Variants in ANKS1B observed in about 807,000 individuals in gnomAD.
ANKS1B encodes the protein ankyrin repeat and sterile alpha motif domain containing 1B, also known as ankyrin repeat and sterile alpha motif domain-containing protein 1B.
A neutral mutation model predicts 148.3 loss-of-function variants in ANKS1B; 36 were observed. The ratio of observed to expected loss-of-function variants is 0.24; its 90% CI spans 0.19 to 0.32. ANKS1B has a LOEUF of 0.32. ANKS1B is among the 10% of genes least tolerant of loss of function. The pLI is 1.00. For missense variants in ANKS1B, 1,157 were observed against 1,542.6 expected (o/e 0.75, Z 4.19); for synonymous variants, 542 against 560.8 (o/e 0.97, Z 0.47).
At chr12:99,959,691 T>C (rs1412709461) in intron 1 of ANKS1B, among the ~76,000 whole-genome samples, 2 of 152,180 alleles carry the variant, frequency 1.3e-5, no homozygotes, top group Non-Finnish European at 1.5e-5. Flanking sequence ...TAACGCTTGC[T>C]TCATCTTCTG....
chr12:99,611,982 A>T (rs2153346634), intron 9 of ANKS1B, among the ~76,000 whole-genome samples: 1 of 152,170 alleles, frequency 6.6e-6, no homozygotes. Context: ...ATCTAAACCA[A>T]TGTATTCAGT....
chr12:99,154,258 G>C (rs763877699), intron 15 of ANKS1B, 31 bp downstream of exon 15: 2 of 1,611,854 alleles, frequency 1.2e-6, no homozygotes, highest in Admixed American at 3.3e-5. Flanking sequence ...ACAGACAAAA[G>C]GCAGCTCCGT....
In ANKS1B at chr12:98,829,156, A is replaced by AGGCTTAT; in HGVS notation, c.3066+11_3066+17dup. 6.2e-7 allele frequency: 1 copy of AGGCTTAT among 1,613,576 alleles called. No individual in the cohort carries two copies. The highest frequency in any genetic ancestry group is 8.5e-7 in the Non-Finnish European group (1 of 1,179,698). On this transcript the variant is annotated intron_variant, in intron 19 of 26. Transcript: ENST00000683438. The surrounding 1 kb of genome is among the most constrained non-coding windows in gnomAD (Gnocchi z 5.2). ...CTGATATGGTTGAAAAATATCACAA[A>AGGCTTAT]GGCTTATAACACCTTACCTGAGCCA...
intron 1 of ANKS1B, among the ~76,000 whole-genome samples, chr12:99,895,358 T>A (rs2093343685): frequency 6.7e-6 from 1 of 150,044 alleles, no homozygotes; most frequent in African/African-American, 2.4e-5. Context: ...GGCTGAGAAG[T>A]CCCATGTGGC....
chr12:98,957,362 T>C (rs1008197179), intron 17 of ANKS1B, among the ~76,000 whole-genome samples: 1 of 138,642 alleles, frequency 7.2e-6, no homozygotes, highest in Admixed American at 7.2e-5. Context: ...TATTTATTTA[T>C]TTTGAGACGG....
At chr12:99,535,102 A>T (rs2097052533) in intron 9 of ANKS1B, among the ~76,000 whole-genome samples, 1 of 152,222 alleles carries the variant, frequency 6.6e-6, no homozygotes. Flanking sequence ...ACCACTAGTT[A>T]TTTAATATGA....
Position 98,794,537 on chromosome 12 carries a change from G to A in ANKS1B, c.3342+4397C>T, listed in dbSNP as rs1195958458. On this transcript the variant is annotated intron_variant, in intron 22 of 26. Coordinates refer to ENST00000683438, the MANE Select transcript of ANKS1B (RefSeq NM_001352186.2). ...CTGGGGCCCATCCACCCTGGCCATG[G>A]CAAGATGTTCATCCGCAATGATTGC... The A allele has an allele frequency of 4.5e-6, 3 of 659,518 alleles. No homozygotes were observed. In the Admixed American group the frequency reaches 5.7e-5, roughly 12 times the overall value. The allele number at this position is 659,518 out of a possible 1,614,324, so 40.9% of individuals were successfully genotyped here. A position where few individuals can be genotyped will look rare whatever the true frequency, so the allele number is the denominator to read the frequency against.
intron 1 of ANKS1B, among the ~76,000 whole-genome samples, chr12:99,963,001 G>A (rs952250921): frequency 6.6e-6 from 1 of 152,058 alleles, no homozygotes; most frequent in Non-Finnish European, 1.5e-5. Flanking sequence ...TTTTAGTGGA[G>A]ACGGGGTTTC....
At chr12:99,055,188 A>C (rs1249359155) in intron 16 of ANKS1B, among the ~76,000 whole-genome samples, 1 of 151,898 alleles carries the variant, frequency 6.6e-6, no homozygotes, top group Non-Finnish European at 1.5e-5. Context: ...TACATTCTCC[A>C]GGCCTCGTTA....
intron 4 of ANKS1B, among the ~76,000 whole-genome samples, chr12:99,792,608 A>G (rs1413938398): frequency 6.6e-6 from 1 of 152,044 alleles, no homozygotes; most frequent in Non-Finnish European, 1.5e-5. Flanking sequence ...GAAGGACAAA[A>G]AACATTATCA....
chr12:99,723,801 CTT>C (rs1287479917), intron 8 of ANKS1B, among the ~76,000 whole-genome samples: 2 of 152,162 alleles, frequency 1.3e-5, no homozygotes, highest in Non-Finnish European at 2.9e-5. Context: ...AAGCACCCAT[CTT>C]TGCTGTTTTC....
chr12:99,483,581 C>T (rs1398154266), intron 10 of ANKS1B, among the ~76,000 whole-genome samples: 5 of 151,760 alleles, frequency 3.3e-5, no homozygotes, highest in Non-Finnish European at 7.4e-5. Flanking sequence ...TACCAATTCT[C>T]TTTTTAATGA....
At chr12:99,521,732 C>T (rs965074551) in intron 9 of ANKS1B, among the ~76,000 whole-genome samples, 3 of 144,692 alleles carry the variant, frequency 2.1e-5, no homozygotes, top group African/African-American at 5.7e-5. Context: ...CTCAATCTCT[C>T]GCTCTCTCTC....
chr12:99,435,487 C>T (rs1036534738), intron 11 of ANKS1B, among the ~76,000 whole-genome samples: 6 of 152,044 alleles, frequency 3.9e-5, no homozygotes, highest in Non-Finnish European at 5.9e-5. Context: ...AACATTACTT[C>T]TCAGAGGTCT....
At chr12:99,479,273 AAAG>A (rs1301725331) in intron 10 of ANKS1B, among the ~76,000 whole-genome samples, 1 of 152,084 alleles carries the variant, frequency 6.6e-6, no homozygotes, top group Non-Finnish European at 1.5e-5. Context: ...ATTACTTTTA[AAAG>A]AATTAAGTTG....
chr12:99,111,324 C>T (rs1333220879), intron 15 of ANKS1B, among the ~76,000 whole-genome samples: 1 of 152,124 alleles, frequency 6.6e-6, no homozygotes, highest in African/African-American at 2.4e-5. Flanking sequence ...TTCCCAGGTC[C>T]TCACTATTTG....
chr12:99,682,018 A>G (rs960774986), intron 8 of ANKS1B, among the ~76,000 whole-genome samples: 2 of 152,244 alleles, frequency 1.3e-5, no homozygotes, highest in Non-Finnish European at 2.9e-5. Flanking sequence ...TTTAAAAAAC[A>G]AAGAGGGACA....
chr12:98,924,555 A>G (rs1597027345), intron 17 of ANKS1B, among the ~76,000 whole-genome samples: 1 of 151,998 alleles, frequency 6.6e-6, no homozygotes, highest in East Asian at 1.9e-4. Context: ...TTTTTTGCCC[A>G]TTGGTCGATT....
In ANKS1B at chr12:99,717,884, A is replaced by C. The variant is rs1282659400; in HGVS notation, c.1128+55038T>G. Among the ~76,000 whole-genome samples, 7 of 149,420 alleles carry C rather than the reference A, an allele frequency of 4.7e-5. No homozygotes were observed. In the East Asian group the frequency reaches 1.4e-3, roughly 30 times the overall value. On this transcript the variant is annotated intron_variant, in intron 8 of 26. Transcript: ENST00000683438. ...CTTAAAACTCCCCAACTCTGGTGCC[A>C]ACTTAGACAATACTCTTTTTTTTTT... is the stretch of plus-strand genomic sequence containing the variant.
Sources: allele counts gnomAD v4.1 joint callset (sites outside exome capture counted in the v4.1 genomes callset), GRCh38; gene constraint gnomAD v4.1.1; non-coding constraint Gnocchi (gnomAD v3.1); transcripts MANE v1.5; gene names NCBI Gene and HGNC (gene_info 2026-07-23, HGNC 2026-07-21).